STPG2: variants seen among roughly 807,000 people sequenced by gnomAD.
STPG2 encodes the protein sperm tail PG-rich repeat containing 2.
A neutral mutation model predicts 54.2 loss-of-function variants in STPG2; 56 were observed. The observed-to-expected ratio is 1.03, with a 90% CI of 0.83 to 1.29. The LOEUF (loss-of-function observed/expected upper bound fraction) is 1.29, where lower values mean the gene tolerates loss of function less well. STPG2 is among the 50% of genes most tolerant of loss of function. The pLI is 0.00. For missense variants in STPG2, 596 were observed against 544.9 expected (o/e 1.09, Z -0.93); for synonymous variants, 200 against 181.8 (o/e 1.10, Z -0.81).
intron 9 of STPG2, among the ~76,000 whole-genome samples, chr4:97,736,490 T>C (rs1465000413): frequency 6.6e-6 from 1 of 152,036 alleles, no homozygotes; most frequent in Non-Finnish European, 1.5e-5. Flanking sequence ...CCTGGAAAAT[T>C]GGGTCACTCC....
intron 5 of STPG2, among the ~76,000 whole-genome samples, chr4:98,070,720 C>T (rs1009793317): frequency 6.6e-6 from 1 of 151,936 alleles, no homozygotes; most frequent in Non-Finnish European, 1.5e-5. Flanking sequence ...AAACCAACAA[C>T]AGGCAAGCAG....
chr4:97,873,266 T>C (rs1331565539), intron 8 of STPG2, among the ~76,000 whole-genome samples: 1 of 151,008 alleles, frequency 6.6e-6, no homozygotes, highest in Non-Finnish European at 1.5e-5. Context: ...CTCCTTTCTC[T>C]AATAATAAGA....
intron 7 of STPG2, among the ~76,000 whole-genome samples, chr4:97,950,091 T>C (rs1733409512): frequency 6.6e-6 from 1 of 152,080 alleles, no homozygotes; most frequent in Non-Finnish European, 1.5e-5. Context: ...GATTTGTTTC[T>C]TTTTAAAATA....
intron 8 of STPG2, among the ~76,000 whole-genome samples, chr4:97,903,107 G>A (rs1240491922): frequency 6.6e-6 from 1 of 152,114 alleles, no homozygotes; most frequent in Non-Finnish European, 1.5e-5. Flanking sequence ...CAAACTCGAA[G>A]TTACAAAATG....
At chr4:97,715,410 T>C (rs1291950691) in intron 9 of STPG2, among the ~76,000 whole-genome samples, 1 of 152,158 alleles carries the variant, frequency 6.6e-6, no homozygotes, top group Non-Finnish European at 1.5e-5. Flanking sequence ...TATAATTGCA[T>C]ATTTTCCAGC....
At chr4:97,537,399 C>T (rs964789833) in intron 4 of STPG2, among the ~76,000 whole-genome samples, 1 of 152,200 alleles carries the variant, frequency 6.6e-6, no homozygotes, top group Non-Finnish European at 1.5e-5. Context: ...GGGATTATAT[C>T]CTGTGCAAGG....
chr4:98,000,645 T>G (rs1735384666), intron 5 of STPG2, among the ~76,000 whole-genome samples: 1 of 152,164 alleles, frequency 6.6e-6, no homozygotes, highest in Non-Finnish European at 1.5e-5. Flanking sequence ...GTGGTTCCTT[T>G]TAAACTGATT....
At chr4:97,956,946 G>A (rs745530743) in intron 7 of STPG2, among the ~76,000 whole-genome samples, 8 of 151,988 alleles carry the variant, frequency 5.3e-5, no homozygotes, top group Non-Finnish European at 7.3e-5. Context: ...AATCACATTA[G>A]CTCACCAGCA....
At chr4:97,861,931 A>G (rs1230671916) in intron 8 of STPG2, among the ~76,000 whole-genome samples, 1 of 152,130 alleles carries the variant, frequency 6.6e-6, no homozygotes, top group African/African-American at 2.4e-5. Flanking sequence ...AGCACTAAAC[A>G]TGGAAAGGAA....
chr4:97,455,469 G>C (rs1343965313), intron 4 of STPG2, among the ~76,000 whole-genome samples: 1 of 152,152 alleles, frequency 6.6e-6, no homozygotes, highest in African/African-American at 2.4e-5. Flanking sequence ...GACACCAGCA[G>C]ATGTTGGCAG....
intron 8 of STPG2, among the ~76,000 whole-genome samples, chr4:97,927,169 T>C (rs1732361245): frequency 6.6e-6 from 1 of 152,152 alleles, no homozygotes; most frequent in African/African-American, 2.4e-5. Context: ...AACAAATTAA[T>C]ATATAAATCA....
chr4:97,967,112 C>T (rs551001198), intron 7 of STPG2, among the ~76,000 whole-genome samples: 108 of 149,938 alleles, frequency 7.2e-4, no homozygotes, highest in African/African-American at 2.6e-3. Context: ...TTCAGGAGAT[C>T]CATCTCACAT....
At chr4:97,843,437 T>TATG (rs1728859019) in intron 8 of STPG2, among the ~76,000 whole-genome samples, 1 of 152,008 alleles carries the variant, frequency 6.6e-6, no homozygotes, top group Non-Finnish European at 1.5e-5. Context: ...ATAGAATTTG[T>TATG]ATGATTAATG....
intron 8 of STPG2, among the ~76,000 whole-genome samples, chr4:97,882,610 C>A (rs1730419026): frequency 6.6e-6 from 1 of 152,000 alleles, no homozygotes; most frequent in Non-Finnish European, 1.5e-5. Flanking sequence ...ACTAGCAAGA[C>A]CTAAGCAAGA....
intron 9 of STPG2, among the ~76,000 whole-genome samples, chr4:97,767,223 G>C (rs1273435403): frequency 6.6e-6 from 1 of 152,044 alleles, no homozygotes; most frequent in East Asian, 1.9e-4. Context: ...CTACCAAAAT[G>C]TTGATTAAAT....
At chr4:97,968,800 T>C (rs1453792655) in intron 7 of STPG2, among the ~76,000 whole-genome samples, 1 of 152,210 alleles carries the variant, frequency 6.6e-6, no homozygotes, top group Non-Finnish European at 1.5e-5. Context: ...ATGCAACTGA[T>C]TATTGTAAAT....
intron 8 of STPG2, among the ~76,000 whole-genome samples, chr4:97,919,312 TCA>T (rs1732007968): frequency 1.3e-5 from 2 of 150,080 alleles, no homozygotes. Context: ...CAAATGAAAA[TCA>T]CAAGAAATGC....
chr4:98,090,671 A>T (rs1361932750), intron 5 of STPG2, among the ~76,000 whole-genome samples: 2 of 151,912 alleles, frequency 1.3e-5, no homozygotes, highest in African/African-American at 4.8e-5. Flanking sequence ...CACAATATTG[A>T]TTCTCCCCAA....
chr4:97,658,524 G>A (rs1722282705), intron 10 of STPG2, among the ~76,000 whole-genome samples: 1 of 152,190 alleles, frequency 6.6e-6, no homozygotes. Flanking sequence ...GGCAGGGTAA[G>A]TTGTAGAGTG....
Sources: gnomAD v4.1 joint callset for allele counts (sites outside exome capture counted in the v4.1 genomes callset) on GRCh38, gnomAD v4.1.1 for gene constraint, MANE v1.5 for transcripts, NCBI Gene and HGNC (gene_info 2026-07-23, HGNC 2026-07-21) for gene names.